Variants in SLC26A8 observed in about 807,000 individuals in gnomAD.
SLC26A8 encodes solute carrier family 26 member 8, also known as testis anion transporter 1.
SLC26A8 carries 70 observed loss-of-function variants against 105.0 expected under a neutral mutation model. The ratio of observed to expected loss-of-function variants is 0.67; its 90% CI spans 0.55 to 0.81. The LOEUF (loss-of-function observed/expected upper bound fraction) is 0.81. Among genes scored for constraint, SLC26A8 ranks in the 40% least tolerant of loss-of-function variants. The pLI is 0.00. For synonymous variants in SLC26A8, 415 were observed against 438.3 expected, an observed-to-expected ratio of 0.95 and a Z score of 0.66; for missense variants, 998 against 1,181.8, an observed-to-expected ratio of 0.84 and a Z score of 2.28.
At chr6:35,973,146 C>A (rs1382091202) in intron 10 of SLC26A8, among the ~76,000 whole-genome samples, 1 of 152,168 alleles carries the variant, frequency 6.6e-6, no homozygotes, top group Non-Finnish European at 1.5e-5. Context: ...TCTTGTCTCC[C>A]AAATTTACAT....
chr6:35,975,913 CA>C (rs34783824), intron 9 of SLC26A8, among the ~76,000 whole-genome samples: 21,975 of 80,890 alleles, frequency 0.27, 1,592 homozygotes, highest in Non-Finnish European at 0.33. Context: ...AACTCCATCT[CA>C]AAAAAAAAAA....
chr6:36,023,149 T>A (rs1043779362), intron 1 of SLC26A8, among the ~76,000 whole-genome samples: 1 of 141,268 alleles, frequency 7.1e-6, no homozygotes, highest in Non-Finnish European at 1.6e-5. Flanking sequence ...TCTTTCACCC[T>A]CCATAGTACC....
intron 19 of SLC26A8, among the ~76,000 whole-genome samples, chr6:35,949,202 G>A (rs935875907): frequency 3.9e-5 from 6 of 152,244 alleles, no homozygotes; most frequent in African/African-American, 1.4e-4. Context: ...GGGAGGCTGG[G>A]GCGGGTAGAT....
rs750300830 is a variant in SLC26A8, at chr6:35,982,222, G to A, written c.943-19C>T. 24 of 1,611,060 alleles carry A rather than the reference G, an allele frequency of 1.5e-5. No individual in the cohort carries two copies. In the African/African-American group the frequency reaches 2.9e-4, roughly 20 times the overall value. The stretch of plus-strand genomic sequence containing the variant: ...CAATAATCTGTAGGGGGTAAAAAAA[G>A]AAGGGATGGGGGCATATGAATACCT... On this transcript the variant is annotated intron_variant, in intron 7 of 19. Transcript: ENST00000490799.
chr6:35,986,495 C>G (rs7753664), intron 7 of SLC26A8, among the ~76,000 whole-genome samples: 1,688 of 152,196 alleles, frequency 0.011, 36 homozygotes, highest in African/African-American at 0.033. Context: ...CAACATCTCC[C>G]CAAACCACTC....
chr6:35,992,398 T>C (rs1295728742), intron 6 of SLC26A8, 112 bp downstream of exon 6: 45 of 1,125,028 alleles, frequency 4.0e-5, no homozygotes, highest in Non-Finnish European at 5.7e-5. Context: ...GAGCTGCCTA[T>C]AGGCTGTGTC....
intron 11 of SLC26A8, among the ~76,000 whole-genome samples, chr6:35,964,646 C>CAA (rs35623179): frequency 5.1e-5 from 7 of 137,518 alleles, no homozygotes; most frequent in Non-Finnish European, 1.1e-4. Flanking sequence ...GACTCTGTCT[C>CAA]AAAAAAAAAA....
chr6:35,978,039 T>C (rs965397155), intron 8 of SLC26A8, among the ~76,000 whole-genome samples: 4 of 151,226 alleles, frequency 2.6e-5, no homozygotes, highest in Non-Finnish European at 5.9e-5. Context: ...TGAGCAGAGA[T>C]TGTGCCACTG....
At chr6:35,957,423 T>C (rs891227363) in intron 16 of SLC26A8, among the ~76,000 whole-genome samples, 8 of 151,924 alleles carry the variant, frequency 5.3e-5, no homozygotes, top group African/African-American at 1.7e-4. Flanking sequence ...ATATATTGTA[T>C]AGCAGAAAAG....
At chr6:35,977,608 C>T (rs1773090545) in intron 8 of SLC26A8, among the ~76,000 whole-genome samples, 1 of 152,166 alleles carries the variant, frequency 6.6e-6, no homozygotes, top group Non-Finnish European at 1.5e-5. Flanking sequence ...GTAAACAGAA[C>T]AGGCCAAACA....
At chr6:35,957,095 G>A (rs1217144012) in intron 16 of SLC26A8, among the ~76,000 whole-genome samples, 1 of 152,050 alleles carries the variant, frequency 6.6e-6, no homozygotes, top group Non-Finnish European at 1.5e-5. Flanking sequence ...GGTGGTAAAT[G>A]CCTGTAATCT....
At chr6:36,009,415 A>T (rs1448583087) in intron 3 of SLC26A8, among the ~76,000 whole-genome samples, 1 of 152,076 alleles carries the variant, frequency 6.6e-6, no homozygotes, top group Non-Finnish European at 1.5e-5. Context: ...TATCGTCTAT[A>T]TGTGTAATAA....
intron 11 of SLC26A8, among the ~76,000 whole-genome samples, chr6:35,964,071 T>C (rs1772410903): frequency 6.6e-6 from 1 of 151,936 alleles, no homozygotes; most frequent in Admixed American, 6.6e-5. Context: ...TAGCCAGGTG[T>C]GGTAGCATGC....
chr6:35,960,790 T>C (rs547946056), intron 14 of SLC26A8, 53 bp downstream of exon 14: 20 of 1,546,366 alleles, frequency 1.3e-5, no homozygotes, highest in Non-Finnish European at 1.8e-5. Flanking sequence ...AAGCATGAGG[T>C]GGGGCCCACT....
intron 7 of SLC26A8, among the ~76,000 whole-genome samples, chr6:35,984,319 ATT>A (rs59314649): frequency 1.3e-3 from 148 of 116,538 alleles, no homozygotes; most frequent in South Asian, 3.9e-3. Context: ...TCTTCTTCTT[ATT>A]TTTTTTTTTT....
At chr6:35,994,834 C>T (rs1044312921) in intron 5 of SLC26A8, among the ~76,000 whole-genome samples, 1 of 152,196 alleles carries the variant, frequency 6.6e-6, no homozygotes, top group Non-Finnish European at 1.5e-5. Flanking sequence ...GCTTTGGTCT[C>T]CCAAAGTGCC....
chr6:36,023,849 A>G (rs1762189135), intron 1 of SLC26A8, among the ~76,000 whole-genome samples: 1 of 152,196 alleles, frequency 6.6e-6, no homozygotes, highest in Non-Finnish European at 1.5e-5. Context: ...TGGCCTTTAG[A>G]TCCTTTAGTC....
chr6:35,980,992 C>T (rs1773244417), intron 8 of SLC26A8, among the ~76,000 whole-genome samples: 1 of 151,520 alleles, frequency 6.6e-6, no homozygotes, highest in South Asian at 2.1e-4. Context: ...GCCTGGGCGA[C>T]AGAGCAAGAC....
intron 5 of SLC26A8, among the ~76,000 whole-genome samples, chr6:35,997,390 C>T (rs943516769): frequency 2.0e-5 from 3 of 152,196 alleles, no homozygotes; most frequent in African/African-American, 7.2e-5. Context: ...CTGGCCCCGA[C>T]CTGCCATTTG....
Sources: gnomAD v4.1 joint callset for allele counts (sites outside exome capture counted in the v4.1 genomes callset) on GRCh38, gnomAD v4.1.1 for gene constraint, MANE v1.5 for transcripts, NCBI Gene and HGNC (gene_info 2026-07-23, HGNC 2026-07-21) for gene names.